The following KIRREL3 variants were observed in gnomAD, a reference collection of about 807,000 sequenced individuals.
KIRREL3 encodes the protein kin of IRRE-like protein 3.
A neutral mutation model predicts 89.7 loss-of-function variants in KIRREL3; 36 were observed. That is an observed-to-expected ratio of 0.40 (90% CI 0.31 to 0.53). KIRREL3 has a LOEUF of 0.53. Among genes scored for constraint, KIRREL3 ranks in the 20% least tolerant of loss-of-function variants. The pLI is 0.49. For synonymous variants in KIRREL3, 445 were observed against 441.4 expected, an observed-to-expected ratio of 1.01 and a Z score of -0.10; for missense variants, 864 against 1,056.6, an observed-to-expected ratio of 0.82 and a Z score of 2.53.
chr11:126,674,688 T>A (rs1027711217), intron 1 of KIRREL3, among the ~76,000 whole-genome samples: 1 of 152,206 alleles, frequency 6.6e-6, no homozygotes, highest in Admixed American at 6.5e-5. Flanking sequence ...TTGGAGGAGT[T>A]AGTGGAGAAG....
At chr11:126,466,118 C>G (rs940198945) in intron 5 of KIRREL3, among the ~76,000 whole-genome samples, 1 of 152,172 alleles carries the variant, frequency 6.6e-6, no homozygotes, top group Non-Finnish European at 1.5e-5. Context: ...CCTCTGACTG[C>G]TCCCCCTCCT....
chr11:126,924,121 G>A lies in KIRREL3; in HGVS notation c.55+76334C>T, dbSNP rs1947591400. On this transcript the variant is annotated intron_variant, in intron 1 of 16. Coordinates refer to ENST00000525144, the MANE Select transcript of KIRREL3 (RefSeq NM_032531.4). The surrounding 1 kb of genome is among the most constrained non-coding windows in gnomAD (Gnocchi z 4.7). ...TCGTCATAGCGCCTTGTAGACACTT[G>A]ATAAGCAGTGGTCTTATGGCTGGTA... 6.6e-6 allele frequency among the ~76,000 whole-genome samples: 1 copy of A among 152,168 alleles called. No homozygotes were observed. Among genetic ancestry groups the A allele is most frequent in the African/African-American group, 2.4e-5 (1 of 41,426 alleles).
chr11:126,500,477 T>C (rs754038996), intron 4 of KIRREL3, among the ~76,000 whole-genome samples: 1 of 152,188 alleles, frequency 6.6e-6, no homozygotes, highest in Non-Finnish European at 1.5e-5. Context: ...CAGTGGCTCA[T>C]GCCTGTAATC....
At position 126,521,426 on chromosome 11, in the gene KIRREL3, CT is replaced by C. The variant is rs1461374966; in HGVS notation, c.321del (p.Glu109SerfsTer4). 1.3e-6 allele frequency: 2 copies of C among 1,578,514 alleles called. No individual in the cohort carries two copies. The highest frequency in any genetic ancestry group is 1.8e-5 in the Admixed American group (1 of 54,758). ...CTCAGGATCTTCAGGTGGTGCTCCC[CT>C]GACAGGTGGTTCCCTACCACCAGGT... is the stretch of plus-strand genomic sequence containing the variant. Reference protein sequence around the residue: ...PQYLVVGNHLSGEHHLKILRA... With the variant: ...PQYLVVGNHLXGEHHLKILRA... On this transcript the variant is annotated frameshift_variant, in exon 4 of 17. Transcript: ENST00000525144. LOFTEE classifies it high-confidence loss of function. The surrounding 1 kb of genome is among the most constrained non-coding windows in gnomAD (Gnocchi z 4.1).
rs1944276486 is a variant in KIRREL3, at chr11:126,636,682, T to G, written c.56-73770A>C. On this transcript the variant is annotated intron_variant, in intron 1 of 16. Transcript: ENST00000525144. The surrounding 1 kb of genome is among the most constrained non-coding windows in gnomAD (Gnocchi z 4.4). ...CCTTTCTTGTGTCTTGGTATCTGCC[T>G]GAGACCTTTGTTTTGCTGGTTACGG... Among the ~76,000 whole-genome samples the G allele has an allele frequency of 6.6e-6, 1 of 152,226 alleles. No individual in the cohort carries two copies. Among genetic ancestry groups the G allele is most frequent in the African/African-American group, 2.4e-5 (1 of 41,448 alleles).
At chr11:126,456,065 C>A (rs1371722625) in intron 7 of KIRREL3, among the ~76,000 whole-genome samples, 3 of 44,014 alleles carry the variant, frequency 6.8e-5, no homozygotes, top group Non-Finnish European at 1.2e-4. Flanking sequence ...TTTCCTGAGC[C>A]TTTTCCCCAT....
intron 1 of KIRREL3, among the ~76,000 whole-genome samples, chr11:126,674,113 T>C (rs535711735): frequency 7.3e-4 from 111 of 152,342 alleles, no homozygotes; most frequent in African/African-American, 2.4e-3. Context: ...AGAATCTCCG[T>C]TGGAAACCAT....
At chr11:126,451,383 C>T (rs944797427) in intron 7 of KIRREL3, among the ~76,000 whole-genome samples, 4 of 71,742 alleles carry the variant, frequency 5.6e-5, no homozygotes, top group Admixed American at 1.6e-4. Flanking sequence ...TGAGCGTGTG[C>T]ATGTGTGAAC....
intron 13 of KIRREL3, among the ~76,000 whole-genome samples, chr11:126,433,794 G>C (rs1482505483): frequency 6.6e-6 from 1 of 152,246 alleles, no homozygotes. Flanking sequence ...TTCCTAGTAA[G>C]TTTCCTTGGA....
At chr11:126,815,563 T>G (rs1275427401) in intron 1 of KIRREL3, among the ~76,000 whole-genome samples, 1 of 152,176 alleles carries the variant, frequency 6.6e-6, no homozygotes, top group Non-Finnish European at 1.5e-5. Flanking sequence ...AGGCGGAGTC[T>G]CCCTCTGTCG....
At chr11:126,786,252 T>C (rs932616445) in intron 1 of KIRREL3, among the ~76,000 whole-genome samples, 1 of 152,182 alleles carries the variant, frequency 6.6e-6, no homozygotes, top group Non-Finnish European at 1.5e-5. Flanking sequence ...TAAAGATAAT[T>C]ACTACCATGT....
At chr11:126,821,845 C>T (rs1456137922) in intron 1 of KIRREL3, among the ~76,000 whole-genome samples, 1 of 151,910 alleles carries the variant, frequency 6.6e-6, no homozygotes, top group Non-Finnish European at 1.5e-5. Context: ...GGGACATATG[C>T]CAAGGAATCC....
chr11:126,585,020 G>A (rs1487007120), intron 1 of KIRREL3, among the ~76,000 whole-genome samples: 1 of 151,420 alleles, frequency 6.6e-6, no homozygotes, highest in Non-Finnish European at 1.5e-5. Flanking sequence ...CCGGGTTTAC[G>A]CCATTCTCCT....
chr11:126,872,816 C>A lies in KIRREL3; in HGVS notation c.55+127639G>T, dbSNP rs1318627123. ...CATTTCCATAGTGTGTTGAATAATA[C>A]CCCATGACAACTGGGGTTTGAAAGG... is the stretch of plus-strand genomic sequence containing the variant. On this transcript the variant is annotated intron_variant, in intron 1 of 16. Coordinates refer to ENST00000525144, the MANE Select transcript of KIRREL3 (RefSeq NM_032531.4). The surrounding 1 kb of genome is among the most constrained non-coding windows in gnomAD (Gnocchi z 4.2). Among the ~76,000 whole-genome samples the A allele has an allele frequency of 2.6e-5, 4 of 152,022 alleles. No homozygotes were observed. The highest frequency in any genetic ancestry group is 7.2e-5 in the African/African-American group (3 of 41,436).
chr11:126,808,480 GT>G lies in KIRREL3; in HGVS notation c.55+191974del, dbSNP rs1565315259. Reference sequence around the variant, plus strand: ...ATAAAGGCAGTTTTTCATGGGGTCTGTTTTTTTCCCAGTGACCTCCTGAGGC... The same window carrying G: ...ATAAAGGCAGTTTTTCATGGGGTCTGTTTTTTCCCAGTGACCTCCTGAGGC... On this transcript the variant is annotated intron_variant, in intron 1 of 16. Transcript: ENST00000525144. This position sits in a 1 kb window ranked among gnomAD's most constrained non-coding sequence, Gnocchi z 4.1. Among the ~76,000 whole-genome samples the G allele has an allele frequency of 6.6e-6, 1 of 152,056 alleles. No homozygotes were observed. Among genetic ancestry groups the G allele is most frequent in the Admixed American group, 6.6e-5 (1 of 15,262 alleles).
intron 1 of KIRREL3, among the ~76,000 whole-genome samples, chr11:126,727,554 C>G (rs1948439721): frequency 6.6e-6 from 1 of 152,208 alleles, no homozygotes; most frequent in Admixed American, 6.5e-5. Context: ...ACCCTGCACC[C>G]TGCCCAGCAG....
chr11:126,685,870 AC>A lies in KIRREL3; in HGVS notation c.56-122959del, dbSNP rs1946645400. ...ACCCACTGGATCGGGGCCACTGGAG[AC>A]TTTTTCCCTCATGCTGGGCTCTTCA... On this transcript the variant is annotated intron_variant, in intron 1 of 16. Coordinates refer to ENST00000525144, the MANE Select transcript of KIRREL3 (RefSeq NM_032531.4). The surrounding 1 kb of genome is among the most constrained non-coding windows in gnomAD (Gnocchi z 5.5). Among the ~76,000 whole-genome samples the A allele has an allele frequency of 6.6e-6, 1 of 152,050 alleles. No homozygotes were observed. Among genetic ancestry groups the A allele is most frequent in the African/African-American group, 2.4e-5 (1 of 41,378 alleles).
At position 126,948,248 on chromosome 11, in the gene KIRREL3, TG is replaced by T. The variant is rs1389225328; in HGVS notation, c.55+52206del. Among the ~76,000 whole-genome samples, 1 of 152,138 alleles carries T rather than the reference TG, an allele frequency of 6.6e-6. No homozygotes were observed. The highest frequency in any genetic ancestry group is 1.9e-4 in the East Asian group (1 of 5,196). On this transcript the variant is annotated intron_variant, in intron 1 of 16. Transcript: ENST00000525144. This position sits in a 1 kb window ranked among gnomAD's most constrained non-coding sequence, Gnocchi z 4.5. ...GAAACCAATTCTATATTATTGAAATTGTACTTGATAATGAAAAAGTTGGTCA... is the reference window on the plus strand; with the variant it reads ...GAAACCAATTCTATATTATTGAAATTTACTTGATAATGAAAAAGTTGGTCA...
At position 126,696,677 on chromosome 11, in the gene KIRREL3, A is replaced by T. The variant is rs1052400241; in HGVS notation, c.56-133765T>A. Among the ~76,000 whole-genome samples the T allele has an allele frequency of 2.0e-5, 3 of 152,198 alleles. No homozygotes were observed. The highest frequency in any genetic ancestry group is 6.5e-5 in the Admixed American group (1 of 15,276). ...TGGCTCAAACCACATCGCATGGCTCATAAGGCCCTTGGCGAGTTGACATCA... is the reference window on the plus strand; with the variant it reads ...TGGCTCAAACCACATCGCATGGCTCTTAAGGCCCTTGGCGAGTTGACATCA... On this transcript the variant is annotated intron_variant, in intron 1 of 16. Coordinates refer to ENST00000525144, the MANE Select transcript of KIRREL3 (RefSeq NM_032531.4). The surrounding 1 kb of genome is among the most constrained non-coding windows in gnomAD (Gnocchi z 4.4).
Sources: allele counts gnomAD v4.1 joint callset (sites outside exome capture counted in the v4.1 genomes callset), GRCh38; gene constraint gnomAD v4.1.1; non-coding constraint Gnocchi (gnomAD v3.1); transcripts MANE v1.5; gene names NCBI Gene and HGNC (gene_info 2026-07-23, HGNC 2026-07-21).